Variants in SLC35F4 observed in about 807,000 individuals in gnomAD.
SLC35F4 encodes the protein solute carrier family 35 member F4.
In SLC35F4, 24 loss-of-function variants were observed where a neutral mutation model predicts 44.2. That is an observed-to-expected ratio of 0.54 (90% CI 0.39 to 0.76). SLC35F4 has a LOEUF of 0.76. Ranked by LOEUF, SLC35F4 falls within the 30% of genes least tolerant of loss-of-function variation. The pLI, the probability that SLC35F4 is intolerant of heterozygous loss-of-function variation, is 0.00. For missense variants in SLC35F4, 562 were observed against 586.1 expected, an observed-to-expected ratio of 0.96 and a Z score of 0.42; for synonymous variants, 238 against 223.6, an observed-to-expected ratio of 1.06 and a Z score of -0.57.
intron 1 of SLC35F4, among the ~76,000 whole-genome samples, chr14:57,656,658 G>C (rs972434030): frequency 1.3e-5 from 2 of 152,070 alleles, no homozygotes; most frequent in African/African-American, 4.8e-5. Context: ...CCTCTGTAAA[G>C]TGGGGATAAC....
chr14:57,605,484 G>A (rs986523216), intron 1 of SLC35F4, among the ~76,000 whole-genome samples: 1 of 152,106 alleles, frequency 6.6e-6, no homozygotes, highest in Non-Finnish European at 1.5e-5. Context: ...CAGAAAAAAT[G>A]AAATACTTAT....
chr14:57,758,893 C>T (rs918014244), intron 1 of SLC35F4, among the ~76,000 whole-genome samples: 4 of 152,134 alleles, frequency 2.6e-5, no homozygotes, highest in Admixed American at 2.0e-4. Context: ...CTCTCCATTT[C>T]CCCCTCCGCC....
At chr14:57,749,724 C>A (rs2076839123) in intron 1 of SLC35F4, among the ~76,000 whole-genome samples, 1 of 152,118 alleles carries the variant, frequency 6.6e-6, no homozygotes, top group African/African-American at 2.4e-5. Flanking sequence ...AGACTAGTGA[C>A]CATGACACCA....
intron 1 of SLC35F4, among the ~76,000 whole-genome samples, chr14:57,691,891 T>C (rs955650654): frequency 6.6e-6 from 1 of 152,148 alleles, no homozygotes; most frequent in Admixed American, 6.6e-5. Flanking sequence ...AGATCAATCT[T>C]GCAGGATGTG....
intron 1 of SLC35F4, among the ~76,000 whole-genome samples, chr14:57,865,462 G>A (rs1259824752): frequency 3.3e-5 from 5 of 152,164 alleles, no homozygotes; most frequent in Non-Finnish European, 1.5e-5. Context: ...GGTCCCCTCC[G>A]CACCTCCCCC....
intron 4 of SLC35F4, among the ~76,000 whole-genome samples, chr14:57,572,903 G>A (rs2068587011): frequency 6.6e-6 from 1 of 152,190 alleles, no homozygotes; most frequent in Non-Finnish European, 1.5e-5. Context: ...GCTGGAACAG[G>A]TGACAATATG....
intron 1 of SLC35F4, among the ~76,000 whole-genome samples, chr14:57,637,347 C>CACA (rs1304265491): frequency 6.6e-6 from 1 of 152,062 alleles, no homozygotes; most frequent in African/African-American, 2.4e-5. Context: ...TGGAGAACAA[C>CACA]ACAATCAGTG....
chr14:57,741,040 T>C (rs2076593718), intron 1 of SLC35F4, among the ~76,000 whole-genome samples: 1 of 152,056 alleles, frequency 6.6e-6, no homozygotes. Flanking sequence ...GAAGGAAAAC[T>C]AACAAACAGA....
rs11851020 is a variant in SLC35F4 at position 57,943,624 on chromosome 14, C to T, written n.282+38289G>A. Among the ~76,000 whole-genome samples, 547 of 152,262 alleles carry T rather than the reference C, an allele frequency of 3.6e-3. 3 individuals carry two copies. The highest frequency in any genetic ancestry group is 0.012 in the African/African-American group (506 of 41,552). On this transcript the variant is annotated intron_variant and non_coding_transcript_variant, in intron 1 of 1. Transcript: ENST00000556568. ...TGTAACGGGACTCTTCACCAATCTG[C>T]GACTTCCCACCGCCTCCACACAACC...
intron 1 of SLC35F4, among the ~76,000 whole-genome samples, chr14:57,718,599 T>TCAAAGGCATA: frequency 6.6e-6 from 1 of 152,360 alleles, no homozygotes. Context: ...ATCAATAATG[T>TCAAAGGCATA]TGAGCACTTT....
chr14:57,733,426 A>G (rs1002269584), intron 1 of SLC35F4, among the ~76,000 whole-genome samples: 2 of 151,710 alleles, frequency 1.3e-5, no homozygotes, highest in Non-Finnish European at 2.9e-5. Context: ...ATCAGCTTAT[A>G]TACACAAAGT....
chr14:57,566,948 A>G (rs1356322958), intron 6 of SLC35F4, among the ~76,000 whole-genome samples: 1 of 152,268 alleles, frequency 6.6e-6, no homozygotes, highest in African/African-American at 2.4e-5. Context: ...TTTGTGCCAC[A>G]TTCATAGACA....
intron 1 of SLC35F4, among the ~76,000 whole-genome samples, chr14:57,769,006 A>C (rs1421580431): frequency 2.6e-5 from 4 of 152,020 alleles, no homozygotes; most frequent in Non-Finnish European, 5.9e-5. Context: ...GCCTGCCTTC[A>C]CCTTGGTTCC....
chr14:57,763,788 G>T (rs1465605140), intron 1 of SLC35F4, among the ~76,000 whole-genome samples: 3 of 152,108 alleles, frequency 2.0e-5, no homozygotes, highest in Non-Finnish European at 2.9e-5. Flanking sequence ...TAGATCCAGT[G>T]ATATTTCTCA....
intron 1 of SLC35F4, among the ~76,000 whole-genome samples, chr14:57,609,819 T>A (rs1566678808): frequency 1.3e-5 from 2 of 152,196 alleles, no homozygotes; most frequent in Non-Finnish European, 2.9e-5. Context: ...CTTGAATCCA[T>A]CTCCTTTTGC....
chr14:57,642,214 C>T (rs986183163), intron 1 of SLC35F4, among the ~76,000 whole-genome samples: 1 of 151,782 alleles, frequency 6.6e-6, no homozygotes, highest in African/African-American at 2.4e-5. Flanking sequence ...CCTAATTAAC[C>T]GTGGTTGCAA....
rs561412222 is a variant in SLC35F4 at position 57,953,292 on chromosome 14, T to G, written n.282+28621A>C. On this transcript the variant is annotated intron_variant and non_coding_transcript_variant, in intron 1 of 1. Transcript: ENST00000556568. ...GAGCTCCTGAAAGAAGCACTAAATA[T>G]GGAAAGGAAAAACCAGTACCAGCCA... Among the ~76,000 whole-genome samples, 22 of 152,128 alleles carry G rather than the reference T, an allele frequency of 1.4e-4. No homozygotes were observed. In the South Asian group the frequency reaches 4.2e-3, roughly 29 times the overall value.
intron 1 of SLC35F4, among the ~76,000 whole-genome samples, chr14:57,793,555 G>T (rs1473961896): frequency 6.6e-6 from 1 of 152,042 alleles, no homozygotes. Context: ...CCAAATTGCT[G>T]CAAAAGACAT....
intron 1 of SLC35F4, among the ~76,000 whole-genome samples, chr14:57,707,772 G>A (rs1244467483): frequency 6.6e-6 from 1 of 152,174 alleles, no homozygotes; most frequent in African/African-American, 2.4e-5. Context: ...ACTTCCTAGA[G>A]ATTTTGAAAC....
Sources: allele counts gnomAD v4.1 joint callset (sites outside exome capture counted in the v4.1 genomes callset), GRCh38; gene constraint gnomAD v4.1.1; transcripts MANE v1.5; gene names NCBI Gene and HGNC (gene_info 2026-07-23, HGNC 2026-07-21).